The following DNAH10 variants were observed in gnomAD, a reference collection of about 807,000 sequenced individuals.
DNAH10 encodes dynein axonemal heavy chain 10.
Under a neutral mutation model 506.6 loss-of-function variants are expected in DNAH10, and 348 were observed. That is an observed-to-expected ratio of 0.69 (90% CI 0.63 to 0.75). The LOEUF is 0.75. Among genes scored for constraint, DNAH10 ranks in the 30% least tolerant of loss-of-function variants. The pLI, the probability that DNAH10 is intolerant of heterozygous loss-of-function variation, is 0.00. For synonymous variants in DNAH10, 2,059 were observed against 2,198.6 expected (o/e 0.94, Z 1.78); for missense variants, 5,179 against 5,787.1 (o/e 0.89, Z 3.41).
chr12:123,875,169 C>A, intron 46 of DNAH10, 62 bp from the exon 47 acceptor site: 1 of 1,528,800 alleles, frequency 6.5e-7, no homozygotes, highest in South Asian at 1.2e-5. Flanking sequence ...GGTCAGCCAA[C>A]GCCTCTCTGA....
In DNAH10 at chr12:123,928,928, A is replaced by C; in HGVS notation, c.12306+341A>C. 1 of 452,946 alleles carries C rather than the reference A, an allele frequency of 2.2e-6. No individual in the cohort carries two copies. The highest frequency in any genetic ancestry group is 3.9e-6 in the Non-Finnish European group (1 of 256,244). 28.1% of individuals were successfully genotyped at this position (452,946 alleles called of 1,614,324 possible). ...GAGTTTCGCGTGGTTTACATGCCCC[A>C]TTTAATTTATTCTCCGGGAAATTCT... is the stretch of plus-strand genomic sequence containing the variant. On this transcript the variant is annotated intron_variant, in intron 70 of 78. Coordinates refer to ENST00000673944, the MANE Select transcript of DNAH10 (RefSeq NM_001372106.1). This position sits in a 1 kb window ranked among gnomAD's most constrained non-coding sequence, Gnocchi z 4.9.
In DNAH10 at chr12:123,913,359, A is replaced by T; in HGVS notation, c.10352+44A>T. ...CCCACCTGTTGCGGTTTGTAAACGG[A>T]CGTCACCCACAGAGTTTCTCGCCAT... On this transcript the variant is annotated intron_variant, in intron 60 of 78. Coordinates refer to ENST00000673944, the MANE Select transcript of DNAH10 (RefSeq NM_001372106.1). This position sits in a 1 kb window ranked among gnomAD's most constrained non-coding sequence, Gnocchi z 5.1. 4 of 1,511,176 alleles carry T rather than the reference A, an allele frequency of 2.6e-6. No homozygotes were observed. Among genetic ancestry groups the T allele is most frequent in the Non-Finnish European group, 3.6e-6 (4 of 1,125,254 alleles). 93.6% of individuals were successfully genotyped at this position (1,511,176 alleles called of 1,614,324 possible).
chr12:123,913,569 C>T lies in DNAH10; in HGVS notation c.10352+254C>T, dbSNP rs1954331453. Among the ~76,000 whole-genome samples the T allele has an allele frequency of 6.6e-6, 1 of 152,160 alleles. No individual in the cohort carries two copies. Among genetic ancestry groups the T allele is most frequent in the Admixed American group, 6.5e-5 (1 of 15,280 alleles). On this transcript the variant is annotated intron_variant, in intron 60 of 78. Transcript: ENST00000673944. This position sits in a 1 kb window ranked among gnomAD's most constrained non-coding sequence, Gnocchi z 5.1. ...GTGCAGCTGTGGAGACGGGGGAATC[C>T]ATACCATTTAGCAGGGTGCTCTAGG...
At chr12:123,805,505 C>G (rs1486043206) in intron 18 of DNAH10, among the ~76,000 whole-genome samples, 4 of 152,214 alleles carry the variant, frequency 2.6e-5, no homozygotes, top group African/African-American at 9.7e-5. Context: ...CTGGGCCTCA[C>G]CCTCAGCAGC....
At chr12:123,875,535 T>C (rs765477567) in intron 47 of DNAH10, 44 bp downstream of exon 47, 11 of 1,607,862 alleles carry the variant, frequency 6.8e-6, no homozygotes, top group East Asian at 2.2e-5. Flanking sequence ...AGACCTTGTG[T>C]TGGGGGGAAA....
intron 60 of DNAH10, 87 bp from the exon 61 acceptor site, chr12:123,914,242 A>G (rs1347688840): frequency 2.5e-6 from 3 of 1,219,406 alleles, no homozygotes; most frequent in Non-Finnish European, 3.5e-6. Flanking sequence ...CCTGTTAGCA[A>G]GGTATCAAGC....
chr12:123,913,379 CG>C lies in DNAH10; in HGVS notation c.10352+65del. On this transcript the variant is annotated intron_variant, in intron 60 of 78. Coordinates refer to ENST00000673944, the MANE Select transcript of DNAH10 (RefSeq NM_001372106.1). The surrounding 1 kb of genome is among the most constrained non-coding windows in gnomAD (Gnocchi z 5.1). ...AACGGACGTCACCCACAGAGTTTCT[CG>C]CCATGTTGATTCTTTATCTCACGTT... The C allele has an allele frequency of 6.8e-7, 1 of 1,462,950 alleles. No individual in the cohort carries two copies. The highest frequency in any genetic ancestry group is 1.4e-5 in the African/African-American group (1 of 70,450). The allele number at this position is 1,462,950 out of a possible 1,614,324, so 90.6% of individuals were successfully genotyped here. A position where few individuals can be genotyped will look rare whatever the true frequency, so the allele number is the denominator to read the frequency against.
intron 51 of DNAH10, among the ~76,000 whole-genome samples, chr12:123,884,831 G>T (rs113432159): frequency 6.6e-6 from 1 of 152,116 alleles, no homozygotes; most frequent in African/African-American, 2.4e-5. Flanking sequence ...ATGCAGAAGC[G>T]TCTAAAAAAA....
In DNAH10 at chr12:123,845,753, T is replaced by C; in HGVS notation, c.5514T>C (p.Asp1838=). The C allele has an allele frequency of 6.2e-7, 1 of 1,613,834 alleles. No individual in the cohort carries two copies. The highest frequency in any genetic ancestry group is 8.5e-7 in the Non-Finnish European group (1 of 1,179,848). The part of the protein sequence containing the change: ...NYGRKMHRQI[D]ELVTRITMPL... Reference sequence around the variant, plus strand: ...GCAGGAAAATGCACCGGCAGATCGATGAGTTGGTAACGCGCATCACCATGC... The same window carrying C: ...GCAGGAAAATGCACCGGCAGATCGACGAGTTGGTAACGCGCATCACCATGC... Residue 1838 remains aspartate (D), a synonymous_variant, in exon 31 of 79, where the codon GAT becomes GAC. Coordinates refer to ENST00000673944, the MANE Select transcript of DNAH10 (RefSeq NM_001372106.1).
intron 26 of DNAH10, among the ~76,000 whole-genome samples, chr12:123,831,103 CTTA>C (rs1401479420): frequency 1.3e-5 from 2 of 151,672 alleles, no homozygotes; most frequent in East Asian, 3.9e-4. Context: ...AAAATTTTTT[CTTA>C]TTGTTTCTTA....
At chr12:123,776,318 A>G (rs1458535885) in intron 5 of DNAH10, among the ~76,000 whole-genome samples, 1 of 152,038 alleles carries the variant, frequency 6.6e-6, no homozygotes, top group Non-Finnish European at 1.5e-5. Flanking sequence ...AAGAATAGAG[A>G]GTACCAAGAA....
In DNAH10 at chr12:123,860,425, A is replaced by C. The variant is rs1951568009; in HGVS notation, c.6750-587A>C. Among the ~76,000 whole-genome samples the C allele has an allele frequency of 2.6e-5, 4 of 152,372 alleles. No homozygotes were observed. The South Asian group carries it at 8.3e-4, about 32-fold the overall frequency. Reference sequence around the variant, plus strand: ...TATGCATGTGTAATATAGCATGTACATTATGATTTACTGATTCGTTGGTTG... The same window carrying C: ...TATGCATGTGTAATATAGCATGTACCTTATGATTTACTGATTCGTTGGTTG... On this transcript the variant is annotated intron_variant, in intron 38 of 78. Transcript: ENST00000673944.
At chr12:123,888,977 G>T (rs1433209341) in intron 52 of DNAH10, among the ~76,000 whole-genome samples, 1 of 152,052 alleles carries the variant, frequency 6.6e-6, no homozygotes, top group Admixed American at 6.5e-5. Flanking sequence ...ATTCATTATT[G>T]TATTGCTGTG....
Position 123,857,451 on chromosome 12 carries a change from C to T in DNAH10, c.6630+204C>T, listed in dbSNP as rs901092847. On this transcript the variant is annotated intron_variant, in intron 37 of 78. Transcript: ENST00000673944. ...CTTTTAAATGTAGAGTTTGTTAGGCCGGGCACAGTGGCTTACGCCTGTAAT... is the reference window on the plus strand; with the variant it reads ...CTTTTAAATGTAGAGTTTGTTAGGCTGGGCACAGTGGCTTACGCCTGTAAT... Among the ~76,000 whole-genome samples the T allele has an allele frequency of 4.6e-5, 7 of 152,178 alleles. No individual in the cohort carries two copies. The East Asian group carries it at 9.6e-4, about 21-fold the overall frequency.
chr12:123,870,002 G>A (rs549599275), intron 43 of DNAH10, among the ~76,000 whole-genome samples: 2 of 152,242 alleles, frequency 1.3e-5, no homozygotes, highest in South Asian at 2.1e-4. Context: ...CCTGGCCCTC[G>A]AACAACTGCA....
In DNAH10 at chr12:123,805,022, T is replaced by A; in HGVS notation, c.2969T>A (p.Leu990Gln). 3 of 1,614,222 alleles carry A rather than the reference T, an allele frequency of 1.9e-6. No homozygotes were observed. Among genetic ancestry groups the A allele is most frequent in the Non-Finnish European group, 2.5e-6 (3 of 1,180,038 alleles). Residue 990 changes from leucine to glutamine, a missense_variant, in exon 18 of 79, where the codon CTG becomes CAG. Around this residue, in one of 3 missense-constraint regions of DNAH10, gnomAD observed 4,844 missense variants for 5,430.5 expected, o/e 0.89. Transcript: ENST00000673944. Reference protein sequence around the residue: ...KYWEKKIYEVLTKLILKNLQS... With the variant: ...KYWEKKIYEVQTKLILKNLQS... ...TGGGAAAAGAAAATTTATGAGGTCC[T>A]GACAAAGCTCATCCTGAAGTAAGTT...
chr12:123,808,661 G>C, intron 18 of DNAH10, 136 bp from the exon 19 acceptor site: 1 of 817,440 alleles, frequency 1.2e-6, no homozygotes, highest in South Asian at 1.8e-5. Context: ...ACTCACCCCA[G>C]CCTGTCTAGG....
rs891470943 is a variant in DNAH10 at position 123,801,562 on chromosome 12, A to G, written c.2614+130A>G. ...TAACAATTTTTGAGGGTTAAGAAAT[A>G]CAAGTTGCGGAACTTAGAACTGATC... On this transcript the variant is annotated intron_variant, in intron 16 of 78. Transcript: ENST00000673944. 4.2e-6 allele frequency: 5 copies of G among 1,183,216 alleles called. No homozygotes were observed. In the African/African-American group the frequency reaches 6.2e-5, roughly 15 times the overall value. 73.3% of individuals were successfully genotyped at this position (1,183,216 alleles called of 1,614,324 possible).
At chr12:123,842,996 G>A (rs1464716759) in intron 30 of DNAH10, among the ~76,000 whole-genome samples, 1 of 152,212 alleles carries the variant, frequency 6.6e-6, no homozygotes, top group East Asian at 1.9e-4. Flanking sequence ...ATCACTGAAT[G>A]TTTTAAATTA....
Sources: allele counts gnomAD v4.1 joint callset (sites outside exome capture counted in the v4.1 genomes callset), GRCh38; gene constraint gnomAD v4.1.1; regional missense constraint gnomAD v4.1.1; non-coding constraint Gnocchi (gnomAD v3.1); transcripts MANE v1.5; gene names NCBI Gene and HGNC (gene_info 2026-07-23, HGNC 2026-07-21).